Variants in SGCD observed in about 807,000 individuals in gnomAD.
The protein encoded by SGCD is sarcoglycan delta, also known as delta-sarcoglycan.
Under a neutral mutation model 36.6 loss-of-function variants are expected in SGCD, and 18 were observed. The ratio of observed to expected loss-of-function variants is 0.49; its 90% CI spans 0.34 to 0.73. The LOEUF (loss-of-function observed/expected upper bound fraction) is 0.73. Among genes scored for constraint, SGCD ranks in the 30% least tolerant of loss-of-function variants. The pLI, the probability that SGCD is intolerant of heterozygous loss-of-function variation, is 0.01. For synonymous variants in SGCD, 133 were observed against 130.6 expected, an observed-to-expected ratio of 1.02 and a Z score of -0.12; for missense variants, 387 against 346.7, an observed-to-expected ratio of 1.12 and a Z score of -0.92.
At chr5:155,954,476 C>T (rs760370498) in intron 1 of SGCD, among the ~76,000 whole-genome samples, 3 of 151,326 alleles carry the variant, frequency 2.0e-5, no homozygotes, top group Admixed American at 6.6e-5. Flanking sequence ...ATTTGATTAG[C>T]GATCTGGGCA....
chr5:156,670,956 C>G (rs1459808229), intron 7 of SGCD, among the ~76,000 whole-genome samples: 1 of 152,060 alleles, frequency 6.6e-6, no homozygotes, highest in Non-Finnish European at 1.5e-5. Flanking sequence ...CCTCCTTTCA[C>G]CTTTTCTTAG....
the SGCD span, among the ~76,000 whole-genome samples, chr5:155,791,273 A>G: frequency 6.6e-6 from 1 of 152,096 alleles, no homozygotes; most frequent in African/African-American, 2.4e-5. Flanking sequence ...ACAGAGTCAG[A>G]ATGGGAAGGA....
chr5:156,040,084 T>A (rs932523931), intron 1 of SGCD, among the ~76,000 whole-genome samples: 1 of 152,140 alleles, frequency 6.6e-6, no homozygotes, highest in African/African-American at 2.4e-5. Flanking sequence ...CTGACATAGG[T>A]TTATACTGAC....
chr5:156,050,741 A>G, intron 1 of SGCD, among the ~76,000 whole-genome samples: 1 of 146,606 alleles, frequency 6.8e-6, no homozygotes. Context: ...GCTCTAGGAG[A>G]TAATTCATTT....
intron 3 of SGCD, among the ~76,000 whole-genome samples, chr5:156,255,623 A>C (rs4560532): frequency 0.79 from 119,946 of 152,092 alleles, 47,729 homozygotes; most frequent in East Asian, 0.92. Flanking sequence ...TTCAGGTTTT[A>C]AAAATTGTTG....
At chr5:156,328,956 G>A (rs1767939097) in intron 1 of SGCD, among the ~76,000 whole-genome samples, 1 of 152,102 alleles carries the variant, frequency 6.6e-6, no homozygotes, top group Non-Finnish European at 1.5e-5. Flanking sequence ...CCATGAGCTC[G>A]GGTGTCATAC....
At chr5:155,759,973 A>G in the SGCD span, among the ~76,000 whole-genome samples, 1 of 152,172 alleles carries the variant, frequency 6.6e-6, no homozygotes, top group Non-Finnish European at 1.5e-5. Context: ...AGCTTATGTC[A>G]AAGCAACTTC....
chr5:156,333,181 G>T (rs751572560), intron 2 of SGCD, among the ~76,000 whole-genome samples: 3 of 152,186 alleles, frequency 2.0e-5, no homozygotes, highest in Non-Finnish European at 2.9e-5. Flanking sequence ...AAACACAATT[G>T]TCAAGGGAGA....
At chr5:156,429,192 G>A (rs1580979479) in intron 3 of SGCD, among the ~76,000 whole-genome samples, 1 of 150,300 alleles carries the variant, frequency 6.7e-6, no homozygotes, top group African/African-American at 2.4e-5. Context: ...AGTGTTCGGT[G>A]CATATATATT....
chr5:155,789,474 A>C, the SGCD span, among the ~76,000 whole-genome samples: 1 of 152,126 alleles, frequency 6.6e-6, no homozygotes, highest in African/African-American at 2.4e-5. Flanking sequence ...TATTACTTTC[A>C]TATACATAAT....
intron 1 of SGCD, among the ~76,000 whole-genome samples, chr5:155,881,764 A>T (rs1420954142): frequency 6.6e-6 from 1 of 152,232 alleles, no homozygotes; most frequent in African/African-American, 2.4e-5. Flanking sequence ...TGCCTTATCA[A>T]CAAAGTTTAT....
intron 1 of SGCD, among the ~76,000 whole-genome samples, chr5:156,027,838 A>C (rs1044595719): frequency 6.6e-6 from 1 of 152,186 alleles, no homozygotes; most frequent in Non-Finnish European, 1.5e-5. Flanking sequence ...TAATGTTAAG[A>C]TTAAGGCACT....
intron 4 of SGCD, among the ~76,000 whole-genome samples, chr5:156,516,712 A>G (rs1158626607): frequency 6.6e-6 from 1 of 152,194 alleles, no homozygotes. Flanking sequence ...GTGGGTAATA[A>G]TGGGCTGGAC....
At chr5:156,247,494 A>G (rs1044984991) in intron 3 of SGCD, among the ~76,000 whole-genome samples, 1 of 152,238 alleles carries the variant, frequency 6.6e-6, no homozygotes, top group African/African-American at 2.4e-5. Flanking sequence ...GGTTATTGCC[A>G]TCATCTGAGA....
chr5:156,298,385 T>C (rs1217431846), intron 3 of SGCD, among the ~76,000 whole-genome samples: 4 of 152,094 alleles, frequency 2.6e-5, no homozygotes, highest in African/African-American at 7.2e-5. Flanking sequence ...CCACCAACAG[T>C]GTACAAGGGT....
At chr5:156,004,378 T>A (rs899310514) in intron 1 of SGCD, among the ~76,000 whole-genome samples, 4 of 152,222 alleles carry the variant, frequency 2.6e-5, no homozygotes, top group Admixed American at 1.3e-4. Context: ...TTATTAATGA[T>A]AATGATGATC....
chr5:155,751,808 G>T, the SGCD span, among the ~76,000 whole-genome samples: 1 of 151,870 alleles, frequency 6.6e-6, no homozygotes, highest in Admixed American at 6.6e-5. Context: ...TAACTCATGT[G>T]GTGCCATTTT....
At chr5:155,768,490 A>G in the SGCD span, among the ~76,000 whole-genome samples, 1 of 152,090 alleles carries the variant, frequency 6.6e-6, no homozygotes, top group Non-Finnish European at 1.5e-5. Context: ...AAATAAGTCA[A>G]TTGTCATGCT....
chr5:156,011,422 A>C (rs1273364059), intron 1 of SGCD, among the ~76,000 whole-genome samples: 1 of 151,842 alleles, frequency 6.6e-6, no homozygotes, highest in African/African-American at 2.4e-5. Context: ...GATATACTAC[A>C]TGAGAAATAA....
Sources: gnomAD v4.1 joint callset for allele counts (sites outside exome capture counted in the v4.1 genomes callset) on GRCh38, gnomAD v4.1.1 for gene constraint, MANE v1.5 for transcripts, NCBI Gene and HGNC (gene_info 2026-07-23, HGNC 2026-07-21) for gene names.